Variants in ACAP2 observed in about 807,000 individuals in gnomAD.
ACAP2 encodes the protein ArfGAP with coiled-coil, ankyrin repeat and PH domains 2.
A neutral mutation model predicts 115.8 loss-of-function variants in ACAP2; 39 were observed. That is an observed-to-expected ratio of 0.34 (90% CI 0.26 to 0.44). ACAP2 has a LOEUF of 0.44. Ranked by LOEUF, ACAP2 falls within the 20% of genes least tolerant of loss-of-function variation. The pLI, the probability that ACAP2 is intolerant of heterozygous loss-of-function variation, is 1.00. For missense variants in ACAP2, 662 were observed against 927.6 expected, an observed-to-expected ratio of 0.71 and a Z score of 3.72; for synonymous variants, 289 against 315.8, an observed-to-expected ratio of 0.92 and a Z score of 0.90.
rs546726807 is a variant in ACAP2 at position 195,382,138 on chromosome 3, G to A, written c.112-116C>T. The stretch of plus-strand genomic sequence containing the variant: ...CTAGTTAAGTTCAATTTGTTTCATC[G>A]ATAAACTCAAAACAGACTAATTGAA... On this transcript the variant is annotated intron_variant, in intron 2 of 22. Transcript: ENST00000326793. 1.2e-4 allele frequency: 108 copies of A among 930,822 alleles called. No individual in the cohort carries two copies. In the African/African-American group the frequency reaches 1.2e-3, roughly 11 times the overall value. 57.7% of individuals were successfully genotyped at this position (930,822 alleles called of 1,614,324 possible).
chr3:195,383,243 G>A (rs1734067079), intron 2 of ACAP2, among the ~76,000 whole-genome samples: 1 of 151,950 alleles, frequency 6.6e-6, no homozygotes, highest in Non-Finnish European at 1.5e-5. Flanking sequence ...TATTTGAAGA[G>A]TAATAAGGTA....
At chr3:195,379,079 C>T (rs1435591178) in intron 4 of ACAP2, among the ~76,000 whole-genome samples, 1 of 151,928 alleles carries the variant, frequency 6.6e-6, no homozygotes, top group East Asian at 1.9e-4. Flanking sequence ...AAAAAGAAAA[C>T]TTTCTTATTA....
intron 1 of ACAP2, among the ~76,000 whole-genome samples, chr3:195,441,478 C>G (rs113025294): frequency 6.6e-6 from 1 of 152,182 alleles, no homozygotes; most frequent in Non-Finnish European, 1.5e-5. Flanking sequence ...CAAAAATCAT[C>G]AAAGGGCAAA....
At chr3:195,442,521 G>T (rs1716089401) in intron 1 of ACAP2, among the ~76,000 whole-genome samples, 1 of 152,228 alleles carries the variant, frequency 6.6e-6, no homozygotes, top group African/African-American at 2.4e-5. Context: ...CCCCCAGCGG[G>T]AGAGGGTGCG....
chr3:195,370,767 T>C (rs1344802606), intron 4 of ACAP2, among the ~76,000 whole-genome samples: 5 of 152,052 alleles, frequency 3.3e-5, no homozygotes, highest in African/African-American at 1.2e-4. Context: ...CTGGGCAACA[T>C]GGCAAAACCC....
chr3:195,382,077 GT>G, intron 2 of ACAP2, 55 bp from the exon 3 acceptor site: 1 of 1,545,464 alleles, frequency 6.5e-7, no homozygotes, highest in Non-Finnish European at 8.8e-7. Context: ...AAATTACTTA[GT>G]TGAACAAGTG....
chr3:195,425,888 T>C (rs1284525230), intron 1 of ACAP2, among the ~76,000 whole-genome samples: 1 of 152,224 alleles, frequency 6.6e-6, no homozygotes, highest in African/African-American at 2.4e-5. Flanking sequence ...TGGCCCAGCC[T>C]GATAACTAGT....
At chr3:195,420,506 A>ATG in intron 1 of ACAP2, among the ~76,000 whole-genome samples, 1 of 151,388 alleles carries the variant, frequency 6.6e-6, no homozygotes, top group South Asian at 2.1e-4. Flanking sequence ...GTGCCACCAC[A>ATG]CCCGGCTAAT....
intron 2 of ACAP2, among the ~76,000 whole-genome samples, chr3:195,389,592 A>C (rs1471218260): frequency 6.6e-6 from 1 of 152,196 alleles, no homozygotes; most frequent in Non-Finnish European, 1.5e-5. Flanking sequence ...CATAAAATCA[A>C]AACTATATTT....
Position 195,320,666 on chromosome 3 carries a change from T to C in ACAP2, c.857+35A>G, listed in dbSNP as rs200107420. On this transcript the variant is annotated intron_variant, in intron 10 of 22. Coordinates refer to ENST00000326793, the MANE Select transcript of ACAP2 (RefSeq NM_012287.6). ...AGGGAAAGTCAGAAAATCAAAACTA[T>C]GTATAGATCAAGACTAGTATTTGAA... is the stretch of plus-strand genomic sequence containing the variant. 4.9e-5 allele frequency: 70 copies of C among 1,442,812 alleles called. No homozygotes were observed. The Admixed American group carries it at 9.1e-4, about 19-fold the overall frequency. The allele number at this position is 1,442,812 out of a possible 1,614,324, so 89.4% of individuals were successfully genotyped here.
chr3:195,372,191 G>A (rs573207377), intron 4 of ACAP2, among the ~76,000 whole-genome samples: 44 of 152,010 alleles, frequency 2.9e-4, no homozygotes, highest in Non-Finnish European at 4.3e-4. Context: ...AACTGTAAAC[G>A]TACCAGCCTA....
At chr3:195,383,899 T>C (rs536298839) in intron 2 of ACAP2, among the ~76,000 whole-genome samples, 11 of 152,260 alleles carry the variant, frequency 7.2e-5, no homozygotes, top group African/African-American at 2.6e-4. Context: ...ATTCTCACTA[T>C]AATAAAAGAA....
intron 6 of ACAP2, among the ~76,000 whole-genome samples, chr3:195,339,987 G>A (rs568809910): frequency 1.3e-5 from 2 of 151,116 alleles, no homozygotes; most frequent in Admixed American, 6.6e-5. Context: ...ACAAAAATAC[G>A]GCAACACAGA....
intron 3 of ACAP2, 42 bp downstream of exon 3, chr3:195,381,861 C>T: frequency 7.2e-7 from 1 of 1,386,066 alleles, no homozygotes; most frequent in Non-Finnish European, 9.7e-7. Context: ...TGTCTTATTG[C>T]TTTTTTTTTT....
chr3:195,386,801 T>TA (rs541279896), intron 2 of ACAP2, among the ~76,000 whole-genome samples: 3,265 of 141,256 alleles, frequency 0.023, 103 homozygotes, highest in East Asian at 0.1. Context: ...AAGTAAAATT[T>TA]AAAAAAAAAA....
intron 4 of ACAP2, among the ~76,000 whole-genome samples, chr3:195,355,390 C>G (rs1027330243): frequency 9.3e-5 from 14 of 149,954 alleles, no homozygotes; most frequent in African/African-American, 3.4e-4. Flanking sequence ...AATTCATCTA[C>G]TGGTATCTAA....
chr3:195,418,209 C>T (rs1026365105), intron 1 of ACAP2, among the ~76,000 whole-genome samples: 2 of 152,170 alleles, frequency 1.3e-5, no homozygotes, highest in African/African-American at 4.8e-5. Context: ...ATATTCCTTA[C>T]CTTAAGAAGC....
At chr3:195,296,019 C>A (rs1437258192) in intron 16 of ACAP2, 127 bp from the exon 17 acceptor site, 3 of 686,918 alleles carry the variant, frequency 4.4e-6, no homozygotes, top group Admixed American at 6.5e-5. Context: ...AAAACTGAAT[C>A]TGTGACATTA....
chr3:195,351,129 T>TTTTTTTGG lies in ACAP2; in HGVS notation c.286-5813_286-5812insCCAAAAAA, dbSNP rs75945777. ...ATGAAGATAAATCCTTTTTTTTTTTTGGGCGGGGGACAGGGTCTTGCTCTG... is the reference window on the plus strand; with the variant it reads ...ATGAAGATAAATCCTTTTTTTTTTTTTTTTTTGGGGGCGGGGGACAGGGTCTTGCTCTG... On this transcript the variant is annotated intron_variant, in intron 4 of 22. Coordinates refer to ENST00000326793, the MANE Select transcript of ACAP2 (RefSeq NM_012287.6). 1.7e-3 allele frequency among the ~76,000 whole-genome samples: 221 copies of TTTTTTTGG among 131,824 alleles called. 7 individuals carry two copies. The East Asian group carries it at 0.021, about 12-fold the overall frequency. The allele number at this position is 131,824 out of a possible 152,430, so 86.5% of individuals were successfully genotyped here. A position where few individuals can be genotyped will look rare whatever the true frequency, so the allele number is the denominator to read the frequency against.
Sources: gnomAD v4.1 joint callset for allele counts (sites outside exome capture counted in the v4.1 genomes callset) on GRCh38, gnomAD v4.1.1 for gene constraint, MANE v1.5 for transcripts, NCBI Gene and HGNC (gene_info 2026-07-23, HGNC 2026-07-21) for gene names.